Variants in FAM81A observed in about 807,000 individuals in gnomAD.
FAM81A encodes protein FAM81A.
A neutral mutation model predicts 46.7 loss-of-function variants in FAM81A; 19 were observed. The ratio of observed to expected loss-of-function variants is 0.41; its 90% CI spans 0.28 to 0.60. The LOEUF (loss-of-function observed/expected upper bound fraction) is 0.60, where lower values mean the gene tolerates loss of function less well. FAM81A is among the 20% of genes least tolerant of loss of function. The pLI, the probability that FAM81A is intolerant of heterozygous loss-of-function variation, is 0.34. For missense variants in FAM81A, 377 were observed against 453.5 expected (o/e 0.83, Z 1.53); for synonymous variants, 183 against 152.9 (o/e 1.20, Z -1.45).
intron 2 of FAM81A, among the ~76,000 whole-genome samples, chr15:59,420,039 C>A (rs1259412422): frequency 6.6e-6 from 1 of 152,186 alleles, no homozygotes; most frequent in Non-Finnish European, 1.5e-5. Context: ...ATGCCTCATG[C>A]ATACTGGATT....
Position 59,460,416 on chromosome 15 carries a change from A to G in FAM81A, c.294+210A>G, listed in dbSNP as rs2081537957. 1.4e-6 allele frequency: 1 copy of G among 698,624 alleles called. No homozygotes were observed. The allele number at this position is 698,624 out of a possible 1,614,324, so 43.3% of individuals were successfully genotyped here. On this transcript the variant is annotated intron_variant, in intron 3 of 8. Transcript: ENST00000288228. This position sits in a 1 kb window ranked among gnomAD's most constrained non-coding sequence, Gnocchi z 4.4. ...CCAGTGTTTGATAACAGTTACTGTT[A>G]GTGTTATGTTTAATCTAAATTTACC...
chr15:59,514,216 T>C, intron 6 of FAM81A, 73 bp from the exon 7 acceptor site: 2 of 1,401,052 alleles, frequency 1.4e-6, no homozygotes, highest in South Asian at 3.1e-5. Flanking sequence ...CCTCAACATG[T>C]ACCCTGGAAC....
At chr15:59,474,762 T>C (rs138204862) in intron 3 of FAM81A, among the ~76,000 whole-genome samples, 1,835 of 152,340 alleles carry the variant, frequency 0.012, 34 homozygotes, top group African/African-American at 0.041. Flanking sequence ...CCTTTTCAGA[T>C]AGGCTGAGTG....
rs968720942 is a variant in FAM81A, at chr15:59,419,827, G to A, written c.-78+17469G>A. ...TCCTGGAGCTGGATTGCAGGGAGCC[G>A]AGATCACACCACTGTACTCAAGCCT... On this transcript the variant is annotated intron_variant, in intron 2 of 4. Transcript: ENST00000558348. 7.3e-5 allele frequency among the ~76,000 whole-genome samples: 11 copies of A among 151,270 alleles called. No individual in the cohort carries two copies. In the East Asian group the frequency reaches 7.8e-4, roughly 11 times the overall value.
intron 6 of FAM81A, among the ~76,000 whole-genome samples, chr15:59,509,670 C>G (rs2082184628): frequency 1.3e-5 from 2 of 152,088 alleles, no homozygotes; most frequent in Non-Finnish European, 2.9e-5. Context: ...AGTGAGAGGC[C>G]TGGTTGTGGG....
At chr15:59,411,133 T>C (rs901682812) in intron 2 of FAM81A, among the ~76,000 whole-genome samples, 10 of 152,208 alleles carry the variant, frequency 6.6e-5, no homozygotes, top group African/African-American at 2.2e-4. Flanking sequence ...GCTTTTATAA[T>C]TACTTTATTC....
intron 1 of FAM81A, chr15:59,440,198 C>G (rs1567043944): frequency 6.6e-6 from 1 of 152,052 alleles, no homozygotes. Flanking sequence ...GGGGGCTCCT[C>G]AGAATCACCT....
intron 3 of FAM81A, among the ~76,000 whole-genome samples, chr15:59,472,994 A>G (rs2081716839): frequency 6.6e-6 from 1 of 152,196 alleles, no homozygotes; most frequent in Non-Finnish European, 1.5e-5. Flanking sequence ...ACTGTACAAA[A>G]TTGAAGAACC....
At chr15:59,404,889 T>C (rs1226705583) in intron 2 of FAM81A, among the ~76,000 whole-genome samples, 2 of 152,194 alleles carry the variant, frequency 1.3e-5, no homozygotes, top group Non-Finnish European at 2.9e-5. Flanking sequence ...AGCTAGTAGG[T>C]CTGGGCCCTA....
intron 1 of FAM81A, among the ~76,000 whole-genome samples, chr15:59,440,991 A>T (rs1302356170): frequency 6.6e-6 from 1 of 152,108 alleles, no homozygotes; most frequent in Non-Finnish European, 1.5e-5. Flanking sequence ...CTCTAATTTC[A>T]CCAGATAAAT....
intron 6 of FAM81A, among the ~76,000 whole-genome samples, chr15:59,509,739 T>C (rs1201688007): frequency 2.0e-5 from 3 of 152,126 alleles, no homozygotes; most frequent in Admixed American, 1.3e-4. Context: ...GGCTTTGCTC[T>C]GTAAAGAGTA....
At chr15:59,462,410 G>A (rs1220882850) in intron 3 of FAM81A, among the ~76,000 whole-genome samples, 1 of 151,974 alleles carries the variant, frequency 6.6e-6, no homozygotes, top group African/African-American at 2.4e-5. Flanking sequence ...TAATGATCTT[G>A]AACACCTTTT....
intron 3 of FAM81A, among the ~76,000 whole-genome samples, chr15:59,461,029 A>G (rs1463766699): frequency 3.3e-5 from 5 of 152,196 alleles, no homozygotes; most frequent in African/African-American, 9.7e-5. Context: ...TTATTGAGAT[A>G]TAATGTAAAT....
At chr15:59,407,782 G>A in intron 2 of FAM81A, 1 of 230,264 alleles carries the variant, frequency 4.3e-6, no homozygotes, top group South Asian at 6.0e-5. Context: ...CCCTTTGCTG[G>A]CAGCTTTCTT....
chr15:59,509,639 A>G (rs2082184441), intron 6 of FAM81A, among the ~76,000 whole-genome samples: 1 of 152,186 alleles, frequency 6.6e-6, no homozygotes, highest in Admixed American at 6.5e-5. Flanking sequence ...AAGCCAAGGA[A>G]CACATGAGGC....
intron 6 of FAM81A, among the ~76,000 whole-genome samples, chr15:59,509,962 T>G (rs1277557667): frequency 6.6e-6 from 1 of 152,076 alleles, no homozygotes; most frequent in Non-Finnish European, 1.5e-5. Flanking sequence ...AACCTATGCC[T>G]AATGAGAATC....
At chr15:59,512,022 G>A (rs1300613074) in intron 6 of FAM81A, among the ~76,000 whole-genome samples, 1 of 152,152 alleles carries the variant, frequency 6.6e-6, no homozygotes, top group Non-Finnish European at 1.5e-5. Context: ...CAGAAGACTG[G>A]ATAAGCTGTG....
In FAM81A at chr15:59,494,686, T is replaced by C. The variant is rs527291117; in HGVS notation, c.413+2297T>C. ...AGACTTGATTGTTGAAATGAATTCA[T>C]GTGAAATAAAAATTCTTTGGAAAAG... On this transcript the variant is annotated intron_variant, in intron 4 of 8. Transcript: ENST00000288228. Among the ~76,000 whole-genome samples the C allele has an allele frequency of 2.5e-3, 388 of 152,306 alleles. 3 individuals carry two copies. Among genetic ancestry groups the C allele is most frequent in the African/African-American group, 9.1e-3 (380 of 41,570 alleles).
chr15:59,509,103 T>G (rs2082178391), intron 6 of FAM81A, 134 bp downstream of exon 6: 2 of 676,036 alleles, frequency 3.0e-6, no homozygotes, highest in Non-Finnish European at 4.8e-6. Flanking sequence ...AAGAAAAGTT[T>G]CCTTGTATCA....
Sources: allele counts gnomAD v4.1 joint callset (sites outside exome capture counted in the v4.1 genomes callset), GRCh38; gene constraint gnomAD v4.1.1; non-coding constraint Gnocchi (gnomAD v3.1); transcripts MANE v1.5; gene names NCBI Gene and HGNC (gene_info 2026-07-23, HGNC 2026-07-21).